Variants in DLG2 observed in about 807,000 individuals in gnomAD.
The protein encoded by DLG2 is discs large MAGUK scaffold protein 2, also known as disks large homolog 2.
A neutral mutation model predicts 132.5 loss-of-function variants in DLG2; 45 were observed. That is an observed-to-expected ratio of 0.34 (90% confidence interval 0.27 to 0.44). The LOEUF (loss-of-function observed/expected upper bound fraction) is 0.44. DLG2 is among the 20% of genes least tolerant of loss of function. The pLI, the probability that DLG2 is intolerant of heterozygous loss-of-function variation, is 1.00. For missense variants in DLG2, 1,045 were observed against 1,196.9 expected (o/e 0.87, Z 1.87); for synonymous variants, 424 against 419.6 (o/e 1.01, Z -0.13).
At chr11:84,708,163 C>T (rs1442367753) in intron 6 of DLG2, among the ~76,000 whole-genome samples, 1 of 151,760 alleles carries the variant, frequency 6.6e-6, no homozygotes, top group Non-Finnish European at 1.5e-5. Flanking sequence ...ATGTTTGAAC[C>T]TTACTAGTAA....
rs552424069 is a variant in DLG2 at position 83,911,437 on chromosome 11, T to A, written c.1496+18891A>T. On this transcript the variant is annotated intron_variant, in intron 15 of 27. Transcript: ENST00000376104. ...TTTCTACTCCTCATGTAACTTGTCT[T>A]AGATTGAGTGTTTCTATGAACTAAG... Among the ~76,000 whole-genome samples the A allele has an allele frequency of 2.6e-5, 4 of 152,286 alleles. 1 individual carries two copies. The South Asian group carries it at 8.3e-4, about 32-fold the overall frequency.
chr11:83,476,571 C>T (rs910265184), intron 22 of DLG2, among the ~76,000 whole-genome samples: 40 of 152,182 alleles, frequency 2.6e-4, no homozygotes, highest in African/African-American at 9.1e-4. Flanking sequence ...ACTTAATATA[C>T]GTACAGTCCT....
chr11:83,523,069 C>T (rs1369876240), intron 21 of DLG2, among the ~76,000 whole-genome samples: 1 of 152,130 alleles, frequency 6.6e-6, no homozygotes, highest in Non-Finnish European at 1.5e-5. Context: ...CTTTATCTTT[C>T]AGTGTTGATG....
intron 15 of DLG2, among the ~76,000 whole-genome samples, chr11:83,902,038 T>C (rs904641174): frequency 5.9e-5 from 9 of 152,182 alleles, no homozygotes; most frequent in African/African-American, 2.2e-4. Context: ...TTTTCTTGAA[T>C]TCATCCTTTA....
chr11:83,714,417 T>G (rs550946727), intron 18 of DLG2, among the ~76,000 whole-genome samples: 46 of 152,298 alleles, frequency 3.0e-4, no homozygotes, highest in African/African-American at 1.1e-3. Flanking sequence ...GTAGATAGTA[T>G]ACCCATTTCA....
chr11:85,203,683 A>G (rs1339618575), intron 4 of DLG2, among the ~76,000 whole-genome samples: 1 of 152,136 alleles, frequency 6.6e-6, no homozygotes, highest in Non-Finnish European at 1.5e-5. Flanking sequence ...TTCCAAACTC[A>G]TTGTATGAGG....
intron 6 of DLG2, among the ~76,000 whole-genome samples, chr11:84,844,153 A>C (rs1236196313): frequency 9.4e-6 from 1 of 106,640 alleles, no homozygotes. Context: ...ATATATATAT[A>C]TATATATATA....
intron 4 of DLG2, among the ~76,000 whole-genome samples, chr11:85,226,982 G>C (rs1383833003): frequency 1.3e-5 from 2 of 152,128 alleles, no homozygotes; most frequent in African/African-American, 4.8e-5. Flanking sequence ...GTTACAATTA[G>C]ACATCTTGGC....
chr11:84,493,533 G>C (rs1342139387), intron 7 of DLG2, among the ~76,000 whole-genome samples: 1 of 151,864 alleles, frequency 6.6e-6, no homozygotes, highest in Non-Finnish European at 1.5e-5. Flanking sequence ...CATTGCTCAG[G>C]TCCTTGGATA....
chr11:85,558,384 A>G (rs1465838534), intron 3 of DLG2, among the ~76,000 whole-genome samples: 2 of 151,936 alleles, frequency 1.3e-5, no homozygotes, highest in Non-Finnish European at 2.9e-5. Flanking sequence ...CAGTTTGGAG[A>G]TTTCTCAAAG....
intron 11 of DLG2, among the ~76,000 whole-genome samples, chr11:83,981,082 T>G (rs2092734426): frequency 6.6e-6 from 1 of 152,188 alleles, no homozygotes; most frequent in Non-Finnish European, 1.5e-5. Context: ...TGCCAATCAC[T>G]TGGGCAGAGA....
At chr11:84,677,783 T>C (rs1012115434) in intron 6 of DLG2, among the ~76,000 whole-genome samples, 5 of 152,004 alleles carry the variant, frequency 3.3e-5, no homozygotes, top group African/African-American at 1.2e-4. Context: ...GTTCTAGCTA[T>C]TCAGTAGGCT....
chr11:85,603,951 A>C (rs1361348974), intron 2 of DLG2, among the ~76,000 whole-genome samples: 2 of 152,138 alleles, frequency 1.3e-5, no homozygotes, highest in African/African-American at 4.8e-5. Context: ...TCTCTAAGTA[A>C]ATAAGTAAAA....
At chr11:83,774,460 A>G (rs1396832261) in intron 18 of DLG2, among the ~76,000 whole-genome samples, 1 of 152,250 alleles carries the variant, frequency 6.6e-6, no homozygotes, top group Non-Finnish European at 1.5e-5. Flanking sequence ...TTTTACAGAT[A>G]AAGAATGAGA....
At chr11:84,242,982 GATTA>G (rs1239696378) in intron 8 of DLG2, among the ~76,000 whole-genome samples, 1 of 109,556 alleles carries the variant, frequency 9.1e-6, no homozygotes, top group East Asian at 3.0e-4. Context: ...TAGTTTTGAT[GATTA>G]ATTAGGTTCT....
chr11:84,474,642 T>G (rs1027910070), intron 7 of DLG2, among the ~76,000 whole-genome samples: 1 of 152,054 alleles, frequency 6.6e-6, no homozygotes, highest in East Asian at 1.9e-4. Context: ...ACACAGCCAA[T>G]TGGTAGCAGA....
intron 9 of DLG2, among the ~76,000 whole-genome samples, chr11:84,138,200 A>G (rs2094685474): frequency 6.6e-6 from 1 of 152,208 alleles, no homozygotes; most frequent in South Asian, 2.1e-4. Context: ...AGATATGACA[A>G]TAATTACTTC....
intron 14 of DLG2, among the ~76,000 whole-genome samples, chr11:83,959,579 T>A (rs1443940578): frequency 2.6e-5 from 4 of 152,116 alleles, no homozygotes; most frequent in Non-Finnish European, 4.4e-5. Context: ...TTCGTGCATG[T>A]TAACATATTA....
At chr11:85,077,997 T>C (rs1265121589) in intron 6 of DLG2, among the ~76,000 whole-genome samples, 1 of 151,976 alleles carries the variant, frequency 6.6e-6, no homozygotes, top group Non-Finnish European at 1.5e-5. Flanking sequence ...TATGGAATAT[T>C]ATTTTATTTC....
Sources: gnomAD v4.1 joint callset for allele counts (sites outside exome capture counted in the v4.1 genomes callset) on GRCh38, gnomAD v4.1.1 for gene constraint, MANE v1.5 for transcripts, NCBI Gene and HGNC (gene_info 2026-07-23, HGNC 2026-07-21) for gene names.